Variants in FYB1 observed in about 807,000 individuals in gnomAD.
The protein encoded by FYB1 is FYN-binding protein 1.
Under a neutral mutation model 94.1 loss-of-function variants are expected in FYB1, and 41 were observed. That is an observed-to-expected ratio of 0.44 (90% CI 0.34 to 0.57). The LOEUF is 0.57. Among genes scored for constraint, FYB1 ranks in the 20% least tolerant of loss-of-function variants. FYB1 has a pLI of 0.02. For synonymous variants in FYB1, 367 were observed against 353.2 expected (o/e 1.04, Z -0.44); for missense variants, 1,050 against 976.8 (o/e 1.07, Z -1.00).
At chr5:39,226,346 A>G (rs1366059687) in intron 1 of FYB1, among the ~76,000 whole-genome samples, 1 of 151,958 alleles carries the variant, frequency 6.6e-6, no homozygotes, top group African/African-American at 2.4e-5. Context: ...TGATCTTCCT[A>G]TGCTTAACTG....
At position 39,110,270 on chromosome 5, in the gene FYB1, A is replaced by G. The variant is rs1366931456; in HGVS notation, c.2435+86T>C. The G allele has an allele frequency of 1.1e-5, 8 of 749,418 alleles. No individual in the cohort carries two copies. The East Asian group carries it at 1.7e-4, about 16-fold the overall frequency. The allele number at this position is 749,418 out of a possible 1,614,324, so 46.4% of individuals were successfully genotyped here. On this transcript the variant is annotated intron_variant, in intron 17 of 18. Transcript: ENST00000512982. ...TATTTATGATAGTTGAGTAGGTTAC[A>G]TTATTTAAGTAATATTATAAATATT... is the stretch of plus-strand genomic sequence containing the variant.
intron 1 of FYB1, among the ~76,000 whole-genome samples, chr5:39,234,082 T>C (rs1750857834): frequency 6.6e-6 from 1 of 152,102 alleles, no homozygotes; most frequent in Admixed American, 6.6e-5. Flanking sequence ...ACATGCATGA[T>C]ATCCAGGCTC....
intron 3 of FYB1, among the ~76,000 whole-genome samples, chr5:39,151,037 C>G (rs1743205088): frequency 6.6e-6 from 1 of 152,182 alleles, no homozygotes; most frequent in Admixed American, 6.5e-5. Flanking sequence ...TTCCCTTGCT[C>G]TCTCTACCTG....
chr5:39,166,114 G>A (rs1010224022), intron 2 of FYB1, among the ~76,000 whole-genome samples: 7 of 152,150 alleles, frequency 4.6e-5, no homozygotes, highest in African/African-American at 1.7e-4. Flanking sequence ...GTAAGATTCA[G>A]CAATCCTACT....
At chr5:39,143,264 G>C (rs1742343579) in intron 3 of FYB1, among the ~76,000 whole-genome samples, 1 of 151,874 alleles carries the variant, frequency 6.6e-6, no homozygotes, top group Non-Finnish European at 1.5e-5. Flanking sequence ...TCCCTACTAG[G>C]TTTCTTTTCT....
chr5:39,119,876 A>G (rs1739925438), intron 14 of FYB1, among the ~76,000 whole-genome samples: 2 of 152,112 alleles, frequency 1.3e-5, no homozygotes, highest in South Asian at 4.1e-4. Flanking sequence ...TCGTTCTTAT[A>G]CTGAACCATA....
At chr5:39,167,886 C>T (rs555406289) in intron 2 of FYB1, among the ~76,000 whole-genome samples, 3 of 152,326 alleles carry the variant, frequency 2.0e-5, no homozygotes, top group African/African-American at 7.2e-5. Context: ...TTAGCACAAT[C>T]ACTTAATCCT....
At chr5:39,118,615 C>T (rs1005209579) in intron 16 of FYB1, among the ~76,000 whole-genome samples, 3 of 152,092 alleles carry the variant, frequency 2.0e-5, no homozygotes, top group East Asian at 1.9e-4. Context: ...TGTAGTACTG[C>T]ATTTTGAGAA....
intron 3 of FYB1, among the ~76,000 whole-genome samples, chr5:39,145,811 G>T (rs1742592580): frequency 6.6e-6 from 1 of 151,752 alleles, no homozygotes; most frequent in Non-Finnish European, 1.5e-5. Flanking sequence ...AACTCTCTCT[G>T]GTTTCTTGTT....
chr5:39,183,080 A>C (rs943003257), intron 2 of FYB1, among the ~76,000 whole-genome samples: 4 of 151,992 alleles, frequency 2.6e-5, no homozygotes, highest in African/African-American at 9.7e-5. Flanking sequence ...TGGAGTGCAA[A>C]GGCGTGATCT....
intron 1 of FYB1, among the ~76,000 whole-genome samples, chr5:39,214,147 G>T (rs1749659070): frequency 6.6e-6 from 1 of 151,940 alleles, no homozygotes; most frequent in Non-Finnish European, 1.5e-5. Flanking sequence ...ATTATTTCTA[G>T]ACAGAATTTT....
chr5:39,238,512 C>T (rs1751066795), intron 1 of FYB1, among the ~76,000 whole-genome samples: 1 of 151,884 alleles, frequency 6.6e-6, no homozygotes. Flanking sequence ...ACCCACCTGC[C>T]TTCCAAAGAA....
chr5:39,163,334 T>A (rs1246593805), intron 2 of FYB1, among the ~76,000 whole-genome samples: 1 of 152,086 alleles, frequency 6.6e-6, no homozygotes, highest in Non-Finnish European at 1.5e-5. Flanking sequence ...CTTAGAACAG[T>A]CCAACAAAGT....
At chr5:39,144,659 G>A (rs1157299409) in intron 3 of FYB1, among the ~76,000 whole-genome samples, 4 of 152,074 alleles carry the variant, frequency 2.6e-5, no homozygotes, top group South Asian at 2.1e-4. Flanking sequence ...AAAATTAGCC[G>A]AGTGTGGTGG....
rs190127399 is a variant in FYB1, at chr5:39,154,881, C to G, written c.1136-1277G>C. 2.9e-3 allele frequency among the ~76,000 whole-genome samples: 442 copies of G among 152,256 alleles called. 2 individuals carry two copies. Among genetic ancestry groups the G allele is most frequent in the African/African-American group, 0.01 (434 of 41,548 alleles). On this transcript the variant is annotated intron_variant, in intron 2 of 18. Transcript: ENST00000512982. The stretch of plus-strand genomic sequence containing the variant: ...TGCTGGGATTACAAGCGTGAGCCAC[C>G]TCGCCCGGCCTCCTTTTAATTGTAT...
chr5:39,199,350 G>A (rs535411864), intron 2 of FYB1, among the ~76,000 whole-genome samples: 1 of 152,216 alleles, frequency 6.6e-6, no homozygotes, highest in South Asian at 2.1e-4. Flanking sequence ...AGCAGTGGCA[G>A]GATCAAGAGT....
At position 39,125,211 on chromosome 5, in the gene FYB1, C is replaced by A. The variant is rs527847305; in HGVS notation, c.2045+787G>T. On this transcript the variant is annotated intron_variant, in intron 12 of 18. Transcript: ENST00000512982. ...ACTTGTTGCTTTGGTGTTTTACAAG[C>A]CAATTGGGAATGCTATATGGAATTA... Among the ~76,000 whole-genome samples, 6 of 152,072 alleles carry A rather than the reference C, an allele frequency of 3.9e-5. No homozygotes were observed. The South Asian group carries it at 1.2e-3, about 32-fold the overall frequency.
chr5:39,148,492 C>A (rs553172597), intron 3 of FYB1, among the ~76,000 whole-genome samples: 7 of 128,556 alleles, frequency 5.4e-5, no homozygotes, highest in Non-Finnish European at 7.8e-5. Flanking sequence ...TAAAATCTTG[C>A]GGCCTTTTCT....
chr5:39,251,411 G>T (rs574317380), intron 1 of FYB1, among the ~76,000 whole-genome samples: 1 of 152,218 alleles, frequency 6.6e-6, no homozygotes, highest in East Asian at 1.9e-4. Flanking sequence ...CTCAGTTAGA[G>T]GGGAATCATT....
Sources: gnomAD v4.1 joint callset for allele counts (sites outside exome capture counted in the v4.1 genomes callset) on GRCh38, gnomAD v4.1.1 for gene constraint, MANE v1.5 for transcripts, NCBI Gene and HGNC (gene_info 2026-07-23, HGNC 2026-07-21) for gene names.